Variants in ZNF536 observed in about 807,000 individuals in gnomAD.
ZNF536 encodes zinc finger protein 536.
ZNF536 carries 13 observed loss-of-function variants against 84.5 expected under a neutral mutation model. The observed-to-expected ratio is 0.15, with a 90% CI of 0.10 to 0.24. The LOEUF is 0.24. Ranked by LOEUF, ZNF536 falls within the 10% of genes least tolerant of loss-of-function variation. The pLI is 1.00. For missense variants in ZNF536, 1,536 were observed against 1,747.5 expected (o/e 0.88, Z 2.16); for synonymous variants, 811 against 742.5 (o/e 1.09, Z -1.50).
intron 1 of ZNF536, among the ~76,000 whole-genome samples, chr19:30,373,014 A>G (rs955742389): frequency 1.3e-5 from 2 of 152,134 alleles, no homozygotes; most frequent in Non-Finnish European, 2.9e-5. Context: ...TCTGTCTCCA[A>G]CCTAATTGAA....
chr19:30,463,266 T>A (rs1181435508), intron 2 of ZNF536, among the ~76,000 whole-genome samples: 3 of 152,176 alleles, frequency 2.0e-5, no homozygotes, highest in Admixed American at 6.5e-5. Context: ...TCTGAGACTG[T>A]CCTTGCCCCT....
chr19:30,455,353 A>G (rs549884395), intron 2 of ZNF536, among the ~76,000 whole-genome samples: 1 of 152,280 alleles, frequency 6.6e-6, no homozygotes, highest in African/African-American at 2.4e-5. Context: ...CTAATTTGAT[A>G]CATTCATATA....
intron 1 of ZNF536, among the ~76,000 whole-genome samples, chr19:30,269,389 A>T (rs2025696875): frequency 6.6e-6 from 1 of 152,076 alleles, no homozygotes; most frequent in Non-Finnish European, 1.5e-5. Context: ...ATGGTGTGGG[A>T]TGTAGAGGGA....
rs370323894 is a variant in ZNF536, at chr19:30,548,152, C to A, written c.2533C>A (p.Leu845Ile). The change falls in exon 4 of 5, where the codon CTC (leucine) becomes ATC (isoleucine). Residue 845 changes from leucine (L) to isoleucine (I), a missense_variant. By Grantham distance (5) the Leu-to-Ile change is conservative. This residue lies in a region of ZNF536 where 624 missense variants were observed against 603.1 expected (regional missense o/e 1.03). Transcript: ENST00000355537. ...CATCCTGAGGGGGGCCTTCAAGGGT[C>A]TCCCTGGAATCGACTTCAGAGGAGG... ...PDILRGAFKG[L>I]PGIDFRGGPA... The A allele has an allele frequency of 3.1e-6, 5 of 1,614,006 alleles. No individual in the cohort carries two copies. Among genetic ancestry groups the A allele is most frequent in the Non-Finnish European group, 4.2e-6 (5 of 1,180,012 alleles).
chr19:30,651,350 T>A (rs2147456399), intron 1 of ZNF536, among the ~76,000 whole-genome samples: 1 of 152,322 alleles, frequency 6.6e-6, no homozygotes, highest in Non-Finnish European at 1.5e-5. Context: ...GATTTGACGT[T>A]ACTTCTCTGG....
chr19:30,691,420 T>TAAC (rs55997435), intron 1 of ZNF536, among the ~76,000 whole-genome samples: 54,541 of 151,172 alleles, frequency 0.36, 10,237 homozygotes, highest in East Asian at 0.56. Flanking sequence ...CCTCAACTGT[T>TAAC]AATCAAATTG....
chr19:30,475,246 A>T (rs919919104), intron 2 of ZNF536, among the ~76,000 whole-genome samples: 1 of 151,996 alleles, frequency 6.6e-6, no homozygotes, highest in African/African-American at 2.4e-5. Context: ...ATGCCCGGAT[A>T]ATTTTTTGTA....
At chr19:30,533,697 G>T (rs748218168) in intron 2 of ZNF536, among the ~76,000 whole-genome samples, 1 of 152,152 alleles carries the variant, frequency 6.6e-6, no homozygotes, top group Non-Finnish European at 1.5e-5. Flanking sequence ...TGCAGAACCC[G>T]CAGATCTCAT....
intron 1 of ZNF536, among the ~76,000 whole-genome samples, chr19:30,375,852 C>CGT (rs375153875): frequency 7.2e-5 from 11 of 151,826 alleles, no homozygotes; most frequent in African/African-American, 1.7e-4. Context: ...CACTTGTATG[C>CGT]GTGTGTGTGT....
intron 2 of ZNF536, among the ~76,000 whole-genome samples, chr19:30,321,067 G>C (rs1254145186): frequency 2.0e-5 from 3 of 152,170 alleles, no homozygotes; most frequent in Admixed American, 2.0e-4. Context: ...CCCCTCGCAG[G>C]CTCTGGCTCC....
chr19:30,256,969 G>A lies in ZNF536; in HGVS notation c.-189-27103G>A, dbSNP rs1468434236. Among the ~76,000 whole-genome samples, 4 of 152,260 alleles carry A rather than the reference G, an allele frequency of 2.6e-5. No individual in the cohort carries two copies. In the South Asian group the frequency reaches 8.3e-4, roughly 32 times the overall value. ...GATCCAAAACTAAAATGATATTTTA[G>A]CATGCAGTAAGAAATGAGGAATTCA... On this transcript the variant is annotated intron_variant, in intron 1 of 5. Transcript: ENST00000585628.
At chr19:30,335,042 G>A (rs2047337161) in intron 2 of ZNF536, among the ~76,000 whole-genome samples, 1 of 152,202 alleles carries the variant, frequency 6.6e-6, no homozygotes, top group Non-Finnish European at 1.5e-5. Context: ...TCAGTGGACT[G>A]AGGGTTGGGG....
chr19:30,658,008 G>A (rs1341855636), intron 1 of ZNF536, among the ~76,000 whole-genome samples: 4 of 117,640 alleles, frequency 3.4e-5, no homozygotes, highest in Non-Finnish European at 6.6e-5. Context: ...ACCCTTCAAT[G>A]GCTTTCCATT....
chr19:30,709,482 G>A (rs1600354044), intron 1 of ZNF536, among the ~76,000 whole-genome samples: 1 of 152,270 alleles, frequency 6.6e-6, no homozygotes, highest in South Asian at 2.1e-4. Context: ...AAGAGTCAAC[G>A]GGAGGATCAG....
chr19:30,688,136 G>A (rs543368389), intron 1 of ZNF536, among the ~76,000 whole-genome samples: 1 of 152,198 alleles, frequency 6.6e-6, no homozygotes, highest in African/African-American at 2.4e-5. Context: ...AGCCCCACCG[G>A]TTCAGTCCAC....
At chr19:30,234,725 T>G (rs181972872) in intron 1 of ZNF536, among the ~76,000 whole-genome samples, 8 of 150,198 alleles carry the variant, frequency 5.3e-5, no homozygotes, top group Non-Finnish European at 1.0e-4. Flanking sequence ...TTAGGCTTTT[T>G]GTTGCTTTAT....
chr19:30,428,771 A>C (rs1480761229), intron 1 of ZNF536, among the ~76,000 whole-genome samples: 1 of 152,200 alleles, frequency 6.6e-6, no homozygotes, highest in African/African-American at 2.4e-5. Context: ...CCAGCCCATG[A>C]ATGGCATTTT....
chr19:30,438,121 C>T (rs1192334864), intron 1 of ZNF536, among the ~76,000 whole-genome samples: 1 of 152,034 alleles, frequency 6.6e-6, no homozygotes, highest in Non-Finnish European at 1.5e-5. Flanking sequence ...CTCGGGGGTA[C>T]ATGTGTATGT....
At chr19:30,475,594 T>C (rs1445570154) in intron 2 of ZNF536, among the ~76,000 whole-genome samples, 1 of 152,204 alleles carries the variant, frequency 6.6e-6, no homozygotes, top group African/African-American at 2.4e-5. Flanking sequence ...AGTGCCACAG[T>C]AGGCATCTTG....
Sources: allele counts gnomAD v4.1 joint callset (sites outside exome capture counted in the v4.1 genomes callset), GRCh38; gene constraint gnomAD v4.1.1; regional missense constraint gnomAD v4.1.1; transcripts MANE v1.5; gene names NCBI Gene and HGNC (gene_info 2026-07-23, HGNC 2026-07-21).